Variants in TRIM33 observed in about 807,000 individuals in gnomAD.
TRIM33 encodes tripartite motif containing 33.
In TRIM33, 20 loss-of-function variants were observed where a neutral mutation model predicts 125.4. That is an observed-to-expected ratio of 0.16 (90% CI 0.11 to 0.23). The LOEUF is 0.23. TRIM33 is among the 10% of genes least tolerant of loss of function. The pLI is 1.00. For missense variants in TRIM33, 920 were observed against 1,411.4 expected (o/e 0.65, Z 5.58); for synonymous variants, 564 against 513.9 (o/e 1.10, Z -1.32).
At chr1:114,444,330 T>A (rs1648844243) in intron 4 of TRIM33, among the ~76,000 whole-genome samples, 1 of 152,154 alleles carries the variant, frequency 6.6e-6, no homozygotes, top group African/African-American at 2.4e-5. Context: ...TACACAAAGT[T>A]TAGCAGACTG....
At chr1:114,437,474 G>A (rs1648378972) in intron 4 of TRIM33, among the ~76,000 whole-genome samples, 1 of 152,088 alleles carries the variant, frequency 6.6e-6, no homozygotes. Flanking sequence ...GAGTACATAG[G>A]ACTACAGGCA....
chr1:114,450,767 T>C (rs1649262034), intron 4 of TRIM33, among the ~76,000 whole-genome samples: 1 of 152,208 alleles, frequency 6.6e-6, no homozygotes. Flanking sequence ...ATCCATAGCA[T>C]ACTATCATTT....
chr1:114,461,501 G>C (rs998596076), intron 4 of TRIM33, among the ~76,000 whole-genome samples: 2 of 151,250 alleles, frequency 1.3e-5, no homozygotes, highest in African/African-American at 4.9e-5. Flanking sequence ...GGGGAAACTG[G>C]TCACACACAT....
intron 11 of TRIM33, among the ~76,000 whole-genome samples, chr1:114,417,453 T>C (rs1041432091): frequency 6.6e-6 from 1 of 152,174 alleles, no homozygotes; most frequent in Non-Finnish European, 1.5e-5. Flanking sequence ...TTGAGGACTT[T>C]AGCATACAGT....
rs573513218 is a variant in TRIM33 at position 114,463,056 on chromosome 1, C to G, written c.923+48G>C. The G allele has an allele frequency of 4.1e-6, 6 of 1,463,796 alleles. No homozygotes were observed. The African/African-American group carries it at 8.6e-5, about 21-fold the overall frequency. 90.7% of individuals were successfully genotyped at this position (1,463,796 alleles called of 1,614,324 possible). A position where few individuals can be genotyped will look rare whatever the true frequency, so the allele number is the denominator to read the frequency against. ...TGCTTTAAGAAGAAGAATGACTTTA[C>G]AAGCACTTTTTATAGTATTTCCTGG... On this transcript the variant is annotated intron_variant, in intron 4 of 19. Coordinates refer to ENST00000358465, the MANE Select transcript of TRIM33 (RefSeq NM_015906.4).
At chr1:114,439,340 T>G (rs1164010497) in intron 4 of TRIM33, among the ~76,000 whole-genome samples, 2 of 151,474 alleles carry the variant, frequency 1.3e-5, no homozygotes, top group Admixed American at 1.3e-4. Flanking sequence ...GGTGTGGTGG[T>G]GCATGCCTGT....
chr1:114,459,719 CAG>C (rs34943135), intron 4 of TRIM33, among the ~76,000 whole-genome samples: 42,952 of 151,972 alleles, frequency 0.28, 6,600 homozygotes, highest in African/African-American at 0.39. Flanking sequence ...GCCTGAGCAA[CAG>C]AGTGAGATCC....
intron 4 of TRIM33, among the ~76,000 whole-genome samples, chr1:114,453,040 A>C (rs1649411843): frequency 6.6e-6 from 1 of 152,066 alleles, no homozygotes; most frequent in African/African-American, 2.4e-5. Flanking sequence ...GTAGGGAGGG[A>C]AAAGAATGGA....
At chr1:114,418,075 A>G (rs1263808354) in intron 11 of TRIM33, among the ~76,000 whole-genome samples, 1 of 152,236 alleles carries the variant, frequency 6.6e-6, no homozygotes, top group Non-Finnish European at 1.5e-5. Context: ...TATAAACAAA[A>G]GCGGTTTAAA....
At chr1:114,414,450 A>G (rs959830446) in intron 11 of TRIM33, among the ~76,000 whole-genome samples, 1 of 152,116 alleles carries the variant, frequency 6.6e-6, no homozygotes, top group African/African-American at 2.4e-5. Context: ...TCTGTTCTTC[A>G]AAAGTGCCCA....
intron 1 of TRIM33, among the ~76,000 whole-genome samples, chr1:114,471,920 G>C (rs1650677871): frequency 6.6e-6 from 1 of 152,086 alleles, no homozygotes; most frequent in South Asian, 2.1e-4. Context: ...TGTATGTTTA[G>C]CTACAAAACA....
At chr1:114,504,999 T>C (rs1310141633) in intron 1 of TRIM33, among the ~76,000 whole-genome samples, 1 of 152,232 alleles carries the variant, frequency 6.6e-6, no homozygotes, top group Non-Finnish European at 1.5e-5. Flanking sequence ...CTACAATTTA[T>C]TGGGGGCTTC....
intron 1 of TRIM33, among the ~76,000 whole-genome samples, chr1:114,496,984 C>T (rs1652407228): frequency 6.6e-6 from 1 of 152,182 alleles, no homozygotes; most frequent in Non-Finnish European, 1.5e-5. Context: ...CATGCTTTGC[C>T]ATCTAACTCA....
intron 2 of TRIM33, 130 bp from the exon 3 acceptor site, chr1:114,463,686 T>C (rs1258903676): frequency 1.6e-6 from 1 of 609,482 alleles, no homozygotes; most frequent in East Asian, 3.1e-5. Flanking sequence ...TCCATTTATC[T>C]TCAACAAAAT....
chr1:114,484,586 G>C (rs1484957749), intron 1 of TRIM33, among the ~76,000 whole-genome samples: 1 of 152,036 alleles, frequency 6.6e-6, no homozygotes, highest in Non-Finnish European at 1.5e-5. Flanking sequence ...AATTAGGCTG[G>C]GCATGGTAGC....
chr1:114,477,593 T>C (rs183556576), intron 1 of TRIM33, among the ~76,000 whole-genome samples: 1 of 152,350 alleles, frequency 6.6e-6, no homozygotes, highest in African/African-American at 2.4e-5. Context: ...ACATATAAAA[T>C]GTGACACACA....
chr1:114,496,261 G>A (rs1252683946), intron 1 of TRIM33, among the ~76,000 whole-genome samples: 1 of 152,338 alleles, frequency 6.6e-6, no homozygotes, highest in East Asian at 1.9e-4. Flanking sequence ...GATGGGAAAA[G>A]AAATGAGTTG....
intron 4 of TRIM33, among the ~76,000 whole-genome samples, chr1:114,457,215 A>C (rs775416323): frequency 1.7e-4 from 26 of 152,106 alleles, no homozygotes; most frequent in Admixed American, 2.0e-4. Context: ...CAGCCCTATG[A>C]TCCGCCATGA....
rs199621872 is a variant in TRIM33, at chr1:114,407,144, T to C, written c.2259-44A>G. 22 of 1,524,534 alleles carry C rather than the reference T, an allele frequency of 1.4e-5. No homozygotes were observed. In the East Asian group the frequency reaches 4.1e-4, roughly 28 times the overall value. 94.4% of individuals were successfully genotyped at this position (1,524,534 alleles called of 1,614,324 possible). ...TAAAGATCACATACGTTTGACTATATGGTATAAATAAAAACAATTATATGA... is the reference window on the plus strand; with the variant it reads ...TAAAGATCACATACGTTTGACTATACGGTATAAATAAAAACAATTATATGA... On this transcript the variant is annotated intron_variant, in intron 13 of 19. Transcript: ENST00000358465.
Sources: gnomAD v4.1 joint callset for allele counts (sites outside exome capture counted in the v4.1 genomes callset) on GRCh38, gnomAD v4.1.1 for gene constraint, MANE v1.5 for transcripts, NCBI Gene and HGNC (gene_info 2026-07-23, HGNC 2026-07-21) for gene names.